Variants in NAALADL2 observed in about 807,000 individuals in gnomAD.
The protein encoded by NAALADL2 is inactive N-acetylated-alpha-linked acidic dipeptidase-like protein 2.
NAALADL2 carries 76 observed loss-of-function variants against 87.2 expected under a neutral mutation model. The observed-to-expected ratio is 0.87, with a 90% CI of 0.72 to 1.05. NAALADL2 has a LOEUF of 1.05. Ranked by LOEUF, NAALADL2 falls within the 50% of genes least tolerant of loss-of-function variation. NAALADL2 has a pLI of 0.00. For synonymous variants in NAALADL2, 354 were observed against 331.0 expected, an observed-to-expected ratio of 1.07 and a Z score of -0.75; for missense variants, 1,089 against 945.8, an observed-to-expected ratio of 1.15 and a Z score of -1.99.
At chr3:174,892,642 G>A (rs1381409441) in intron 1 of NAALADL2, among the ~76,000 whole-genome samples, 1 of 152,124 alleles carries the variant, frequency 6.6e-6, no homozygotes, top group African/African-American at 2.4e-5. Flanking sequence ...GAAAGTTATA[G>A]TTCCAATGCG....
chr3:175,314,072 C>CAAAA (rs10678475), intron 4 of NAALADL2, among the ~76,000 whole-genome samples: 1 of 79,832 alleles, frequency 1.3e-5, no homozygotes, highest in African/African-American at 4.3e-5. Flanking sequence ...GACTCCATCT[C>CAAAA]AAAAAAAAAA....
At chr3:174,702,157 T>C (rs1729613269) in intron 2 of NAALADL2, among the ~76,000 whole-genome samples, 1 of 152,194 alleles carries the variant, frequency 6.6e-6, no homozygotes, top group African/African-American at 2.4e-5. Context: ...TTAATTTTTA[T>C]TTCTTTATTC....
At chr3:174,798,517 G>A (rs990417761) in intron 3 of NAALADL2, among the ~76,000 whole-genome samples, 4 of 152,146 alleles carry the variant, frequency 2.6e-5, no homozygotes, top group East Asian at 3.9e-4. Context: ...TTATTAATTT[G>A]AAGAGTATTG....
At chr3:175,609,228 A>C (rs1202539932) in intron 10 of NAALADL2, among the ~76,000 whole-genome samples, 1 of 152,176 alleles carries the variant, frequency 6.6e-6, no homozygotes, top group Non-Finnish European at 1.5e-5. Flanking sequence ...TAGGAAAAAA[A>C]AGTGTAGTCT....
intron 2 of NAALADL2, among the ~76,000 whole-genome samples, chr3:175,100,103 T>C (rs975611044): frequency 3.9e-5 from 6 of 151,974 alleles, no homozygotes; most frequent in Admixed American, 3.9e-4. Flanking sequence ...TGATTTTAAA[T>C]AAGTGGCAAC....
At chr3:175,487,928 A>C (rs1411016665) in intron 9 of NAALADL2, among the ~76,000 whole-genome samples, 1 of 152,160 alleles carries the variant, frequency 6.6e-6, no homozygotes, top group Non-Finnish European at 1.5e-5. Context: ...AGAACTATGT[A>C]GTCTGGGAAA....
intron 1 of NAALADL2, among the ~76,000 whole-genome samples, chr3:174,953,211 A>C (rs568432656): frequency 6.6e-6 from 1 of 151,684 alleles, no homozygotes; most frequent in Non-Finnish European, 1.5e-5. Flanking sequence ...TTATAACCTC[A>C]ACTGCTTTGC....
At chr3:175,294,794 C>T (rs920582212) in intron 4 of NAALADL2, among the ~76,000 whole-genome samples, 20 of 152,140 alleles carry the variant, frequency 1.3e-4, no homozygotes, top group Non-Finnish European at 8.8e-5. Flanking sequence ...CAAAAACGTT[C>T]AGTGCTGTTT....
intron 3 of NAALADL2, among the ~76,000 whole-genome samples, chr3:175,252,551 C>T (rs1749244142): frequency 6.6e-6 from 1 of 152,072 alleles, no homozygotes; most frequent in Non-Finnish European, 1.5e-5. Context: ...TGAAATGAAA[C>T]CAATTAAGAA....
intron 5 of NAALADL2, among the ~76,000 whole-genome samples, chr3:175,350,693 G>A (rs999714275): frequency 1.3e-5 from 2 of 152,138 alleles, no homozygotes; most frequent in Admixed American, 6.6e-5. Flanking sequence ...TGAATTTTTT[G>A]TAGGGAGAAG....
chr3:174,955,393 C>G (rs746093127), intron 1 of NAALADL2, among the ~76,000 whole-genome samples: 3 of 152,056 alleles, frequency 2.0e-5, no homozygotes, highest in Non-Finnish European at 4.4e-5. Context: ...TTTAAAACAA[C>G]AAATACCTGT....
At chr3:175,520,871 T>C (rs1422568286) in intron 9 of NAALADL2, among the ~76,000 whole-genome samples, 1 of 152,160 alleles carries the variant, frequency 6.6e-6, no homozygotes, top group East Asian at 1.9e-4. Context: ...CTGCCATTTA[T>C]AGATGTCCAA....
chr3:174,559,344 A>G (rs1713282351), intron 2 of NAALADL2, among the ~76,000 whole-genome samples: 1 of 152,194 alleles, frequency 6.6e-6, no homozygotes, highest in Non-Finnish European at 1.5e-5. Context: ...GTGAAAGATT[A>G]TATATGCTTC....
intron 1 of NAALADL2, among the ~76,000 whole-genome samples, chr3:174,877,531 A>T (rs545102803): frequency 6.6e-6 from 1 of 152,238 alleles, no homozygotes; most frequent in South Asian, 2.1e-4. Context: ...CATCATTTTA[A>T]ATATAACCAC....
rs188852476 is a variant in NAALADL2 at position 174,531,958 on chromosome 3, T to C, written c.-183-18611T>C. ...ATATTAAAGTCCTCATAAAAATTCC[T>C]AGATTTATTTAAATCAGTATTGATT... On this transcript the variant is annotated intron_variant, in intron 1 of 3. Coordinates refer to the NAALADL2 transcript ENST00000434257. Among the ~76,000 whole-genome samples the C allele has an allele frequency of 2.1e-3, 320 of 152,346 alleles. 1 individual carries two copies. Among genetic ancestry groups the C allele is most frequent in the African/African-American group, 7.1e-3 (297 of 41,582 alleles).
At chr3:174,534,674 C>T (rs976972416) in intron 1 of NAALADL2, among the ~76,000 whole-genome samples, 1 of 152,110 alleles carries the variant, frequency 6.6e-6, no homozygotes, top group Non-Finnish European at 1.5e-5. Flanking sequence ...AACATATATA[C>T]CCCTAAATCA....
chr3:175,009,209 A>G (rs904944891), intron 1 of NAALADL2, among the ~76,000 whole-genome samples: 3 of 152,134 alleles, frequency 2.0e-5, no homozygotes, highest in Non-Finnish European at 4.4e-5. Context: ...GATGATGCTA[A>G]TGCTGCTGGT....
chr3:175,072,250 C>T (rs371605336), intron 1 of NAALADL2, among the ~76,000 whole-genome samples: 4 of 152,056 alleles, frequency 2.6e-5, no homozygotes, highest in African/African-American at 9.7e-5. Context: ...CTGCCATAGG[C>T]AAGTGACCTA....
At chr3:175,275,338 T>A (rs879481610) in intron 4 of NAALADL2, among the ~76,000 whole-genome samples, 3 of 152,220 alleles carry the variant, frequency 2.0e-5, no homozygotes, top group Non-Finnish European at 4.4e-5. Context: ...GTTTTTAGGA[T>A]TTCTTAATGT....
Sources: allele counts gnomAD v4.1 joint callset (sites outside exome capture counted in the v4.1 genomes callset), GRCh38; gene constraint gnomAD v4.1.1; transcripts MANE v1.5; gene names NCBI Gene and HGNC (gene_info 2026-07-23, HGNC 2026-07-21).